Variants in CLDN14 observed in about 807,000 individuals in gnomAD.
CLDN14 encodes the protein claudin 14.
A neutral mutation model predicts 2.1 loss-of-function variants in CLDN14; 2 were observed. The observed-to-expected ratio is 0.96, with a 90% CI of 0.39 to 3.01. The LOEUF is 3.01. Ranked by LOEUF, CLDN14 falls within the 30% of genes most tolerant of loss-of-function variation. The pLI, the probability that CLDN14 is intolerant of heterozygous loss-of-function variation, is 0.09. For synonymous variants in CLDN14, 136 were observed against 154.4 expected (o/e 0.88, Z 0.88); for missense variants, 298 against 328.0 (o/e 0.91, Z 0.71).
At chr21:36,530,071 T>C (rs777846496) in intron 1 of CLDN14, among the ~76,000 whole-genome samples, 55 of 152,174 alleles carry the variant, frequency 3.6e-4, no homozygotes, top group Non-Finnish European at 6.3e-4. Flanking sequence ...AAAGATTAAG[T>C]CTTTGCATCG....
intron 1 of CLDN14, among the ~76,000 whole-genome samples, chr21:36,560,535 G>C (rs772045084): frequency 3.9e-5 from 6 of 152,176 alleles, no homozygotes; most frequent in Non-Finnish European, 7.3e-5. Context: ...CTGTGAATGT[G>C]CTATTTTACA....
rs535630077 is a variant in CLDN14 at position 36,492,302 on chromosome 21, C to T, written c.-82+18061G>A. Among the ~76,000 whole-genome samples, 222 of 143,100 alleles carry T rather than the reference C, an allele frequency of 1.6e-3. 9 individuals carry two copies. Among genetic ancestry groups the T allele is most frequent in the East Asian group, 7.1e-3 (30 of 4,212 alleles). 93.9% of individuals were successfully genotyped at this position (143,100 alleles called of 152,430 possible). On this transcript the variant is annotated intron_variant, in intron 2 of 2. Transcript: ENST00000342108. ...ACAAAAAATTAGCCGGGCGCGGTGG[C>T]GGGCGCCTGTAGTCCCAGCTACTCG...
At chr21:36,559,285 C>T (rs1180783430) in intron 1 of CLDN14, among the ~76,000 whole-genome samples, 3 of 152,174 alleles carry the variant, frequency 2.0e-5, no homozygotes, top group Admixed American at 6.5e-5. Flanking sequence ...TAACCTCCGC[C>T]TCCTGGGTTC....
Position 36,551,160 on chromosome 21 carries a change from G to A in CLDN14, c.-220+25251C>T, listed in dbSNP as rs574488360. ...CCAGCCCTTCCTACCCCGCAATTTC[G>A]GACTTCCTGTTCCCAGACCTGTGAG... On this transcript the variant is annotated intron_variant, in intron 1 of 2. Transcript: ENST00000342108. The surrounding 1 kb of genome is among the most constrained non-coding windows in gnomAD (Gnocchi z 4.8). 2.0e-5 allele frequency among the ~76,000 whole-genome samples: 3 copies of A among 152,252 alleles called. No individual in the cohort carries two copies. The highest frequency in any genetic ancestry group is 4.8e-5 in the African/African-American group (2 of 41,552).
intron 2 of CLDN14, among the ~76,000 whole-genome samples, chr21:36,489,131 A>AAAAAAAAAT: frequency 2.1e-4 from 13 of 62,750 alleles, no homozygotes; most frequent in African/African-American, 4.7e-4. Context: ...AAAAAAAAAA[A>AAAAAAAAAT]ATATATATAT....
chr21:36,473,766 C>G (rs115068221), intron 1 of CLDN14, among the ~76,000 whole-genome samples: 1 of 152,162 alleles, frequency 6.6e-6, no homozygotes, highest in Admixed American at 6.5e-5. Context: ...AACCCTCCAA[C>G]ATCAGGGGAG....
intron 2 of CLDN14, chr21:36,486,796 C>T (rs973275834): frequency 2.0e-5 from 15 of 766,390 alleles, no homozygotes; most frequent in Middle Eastern, 2.6e-4. Flanking sequence ...ATTCTTGCCC[C>T]GTCAGCGCTT....
At chr21:36,532,773 A>ACC (rs1429255979) in intron 1 of CLDN14, among the ~76,000 whole-genome samples, 2 of 152,192 alleles carry the variant, frequency 1.3e-5, no homozygotes, top group Non-Finnish European at 2.9e-5. Context: ...TGACTAAAAG[A>ACC]AAGTATTTAA....
chr21:36,506,691 G>T (rs1448971039), intron 2 of CLDN14, among the ~76,000 whole-genome samples: 1 of 152,084 alleles, frequency 6.6e-6, no homozygotes, highest in Non-Finnish European at 1.5e-5. Context: ...GATCACCTCT[G>T]GGGGGTGGAG....
At chr21:36,497,724 C>T (rs1485556722) in intron 2 of CLDN14, among the ~76,000 whole-genome samples, 2 of 152,116 alleles carry the variant, frequency 1.3e-5, no homozygotes, top group African/African-American at 2.4e-5. Flanking sequence ...CACATCTGCC[C>T]CCTTCTGCCC....
chr21:36,571,851 C>T (rs1338078683), intron 1 of CLDN14, among the ~76,000 whole-genome samples: 1 of 152,122 alleles, frequency 6.6e-6, no homozygotes, highest in Non-Finnish European at 1.5e-5. Context: ...TTCCCCAACC[C>T]CTACGTTTCT....
intron 1 of CLDN14, among the ~76,000 whole-genome samples, chr21:36,573,097 C>G (rs535927053): frequency 2.0e-5 from 3 of 151,982 alleles, no homozygotes; most frequent in African/African-American, 4.8e-5. Flanking sequence ...GTCAGGAGAT[C>G]GAGACCATCC....
chr21:36,561,126 G>A (rs1011844333), intron 1 of CLDN14, among the ~76,000 whole-genome samples: 1 of 152,170 alleles, frequency 6.6e-6, no homozygotes, highest in African/African-American at 2.4e-5. Context: ...ACAGTTTGTG[G>A]ATGTGTCGCA....
chr21:36,478,245 CT>C (rs1342121903), intron 1 of CLDN14, among the ~76,000 whole-genome samples: 3 of 152,178 alleles, frequency 2.0e-5, no homozygotes, highest in Non-Finnish European at 2.9e-5. Flanking sequence ...GCATTGAACC[CT>C]TTATACAGAT....
chr21:36,477,557 T>G (rs527619994), intron 1 of CLDN14: 1 of 152,306 alleles, frequency 6.6e-6, no homozygotes, highest in South Asian at 2.1e-4. Flanking sequence ...CATGTGCACT[T>G]CCAGGCCTAG....
intron 1 of CLDN14, among the ~76,000 whole-genome samples, chr21:36,560,882 A>G (rs555771926): frequency 1.3e-5 from 2 of 152,334 alleles, no homozygotes; most frequent in Admixed American, 6.5e-5. Context: ...ATCTCAAAGT[A>G]TCTGTGGTAA....
At chr21:36,507,641 G>C (rs529890800) in intron 2 of CLDN14, among the ~76,000 whole-genome samples, 1 of 152,278 alleles carries the variant, frequency 6.6e-6, no homozygotes, top group Admixed American at 6.5e-5. Context: ...GCACGCACGT[G>C]TAATCCCAGC....
intron 1 of CLDN14, among the ~76,000 whole-genome samples, chr21:36,554,212 A>AC (rs2087582709): frequency 6.6e-6 from 1 of 152,048 alleles, no homozygotes; most frequent in Admixed American, 6.5e-5. Flanking sequence ...CTTTCATGAG[A>AC]CAGCATCCCA....
Position 36,558,994 on chromosome 21 carries a change from T to C in CLDN14, c.-220+17417A>G, listed in dbSNP as rs1331539521. On this transcript the variant is annotated intron_variant, in intron 1 of 2. Transcript: ENST00000342108. ...ACTTTAAAAATCTTTGCCTTACTGC[T>C]CTTACAAGGACTTCCTGTACTGTGT... Among the ~76,000 whole-genome samples, 3 of 152,150 alleles carry C rather than the reference T, an allele frequency of 2.0e-5. 1 individual carries two copies. Among genetic ancestry groups the C allele is most frequent in the South Asian group, 4.1e-4 (2 of 4,830 alleles).
Sources: allele counts gnomAD v4.1 joint callset (sites outside exome capture counted in the v4.1 genomes callset), GRCh38; gene constraint gnomAD v4.1.1; non-coding constraint Gnocchi (gnomAD v3.1); transcripts MANE v1.5; gene names NCBI Gene and HGNC (gene_info 2026-07-23, HGNC 2026-07-21).